The following CD44 variants were observed in gnomAD, a reference collection of about 807,000 sequenced individuals.
The protein encoded by CD44 is CD44 molecule (IN blood group).
In CD44, 49 loss-of-function variants were observed where a neutral mutation model predicts 88.8. The ratio of observed to expected loss-of-function variants is 0.55; its 90% confidence interval spans 0.44 to 0.70. The LOEUF is 0.70. Among genes scored for constraint, CD44 ranks in the 30% least tolerant of loss-of-function variants. CD44 has a pLI of 0.00. For missense variants in CD44, 883 were observed against 913.8 expected (o/e 0.97, Z 0.43); for synonymous variants, 325 against 312.3 (o/e 1.04, Z -0.43).
In CD44 at chr11:35,182,036, C is replaced by T. The variant is rs1320028265; in HGVS notation, c.367+1629C>T. ...ATATATGTATATATAAATATATACA[C>T]ATTTATATATATAAAATCAAGATAT... On this transcript the variant is annotated intron_variant, in intron 3 of 17. Coordinates refer to ENST00000428726, the MANE Select transcript of CD44 (RefSeq NM_000610.4). Among the ~76,000 whole-genome samples, 357 of 116,192 alleles carry T rather than the reference C, an allele frequency of 3.1e-3. 9 individuals carry two copies. The highest frequency in any genetic ancestry group is 0.012 in the Admixed American group (109 of 8,722). 76.2% of individuals were successfully genotyped at this position (116,192 alleles called of 152,430 possible).
chr11:35,158,146 A>C (rs1942147036), intron 1 of CD44, among the ~76,000 whole-genome samples: 1 of 152,176 alleles, frequency 6.6e-6, no homozygotes, highest in Non-Finnish European at 1.5e-5. Context: ...TCTTCTCCAA[A>C]AGTAGCTTCC....
chr11:35,220,244 G>A (rs1284415601), intron 16 of CD44, among the ~76,000 whole-genome samples: 1 of 152,142 alleles, frequency 6.6e-6, no homozygotes, highest in East Asian at 1.9e-4. Flanking sequence ...GGAAGCCTTA[G>A]CTGTCATCAG....
rs553192569 is a variant in CD44, at chr11:35,212,564, G to C, written c.1810+1115G>C. 6 of 152,092 alleles carry C rather than the reference G, an allele frequency of 3.9e-5. No individual in the cohort carries two copies. The East Asian group carries it at 1.2e-3, about 29-fold the overall frequency. The allele number at this position is 152,092 out of a possible 1,614,324, so 9.4% of individuals were successfully genotyped here. A position where few individuals can be genotyped will look rare whatever the true frequency, so the allele number is the denominator to read the frequency against. On this transcript the variant is annotated intron_variant, in intron 14 of 17. Coordinates refer to ENST00000428726, the MANE Select transcript of CD44 (RefSeq NM_000610.4). ...AAACAGATGACGGTTGTGATGCAGG[G>C]ACAGAAAATTCAGAATGCCACATGC...
intron 5 of CD44, among the ~76,000 whole-genome samples, chr11:35,190,712 A>T (rs1946183658): frequency 6.6e-6 from 1 of 152,238 alleles, no homozygotes; most frequent in South Asian, 2.1e-4. Flanking sequence ...TTCACCAACG[A>T]TAATTTACTC....
chr11:35,222,788 T>C (rs1397592395), intron 17 of CD44: 2 of 984,820 alleles, frequency 2.0e-6, no homozygotes, highest in Non-Finnish European at 2.4e-6. Flanking sequence ...AAGCCTTTTG[T>C]AAATGTCCCT....
chr11:35,189,911 C>A lies in CD44; in HGVS notation c.513C>A (p.Ser171Arg), dbSNP rs1479806626. The change falls in exon 5 of 18, where the codon AGC (serine) becomes AGA (arginine). Residue 171 changes from serine to arginine, a missense_variant. This residue lies in a region of CD44 where 252 missense variants were observed against 322.9 expected (regional missense o/e 0.78). Coordinates refer to ENST00000428726, the MANE Select transcript of CD44 (RefSeq NM_000610.4). ...YRTNPEDIYP[S>R]NPTDDDVSSG... ...CGAATCCTGAAGACATCTACCCCAGCAACCCTACTGATGATGACGTGAGCA... is the reference window on the plus strand; with the variant it reads ...CGAATCCTGAAGACATCTACCCCAGAAACCCTACTGATGATGACGTGAGCA... 2.5e-6 allele frequency: 4 copies of A among 1,614,168 alleles called. No individual in the cohort carries two copies. The South Asian group carries it at 3.3e-5, about 13-fold the overall frequency.
At chr11:35,181,866 T>TA (rs1945069193) in intron 3 of CD44, among the ~76,000 whole-genome samples, 1 of 62,206 alleles carries the variant, frequency 1.6e-5, no homozygotes, top group African/African-American at 7.4e-5. Flanking sequence ...TAAATTTATA[T>TA]ATATATATTA....
At position 35,229,910 on chromosome 11, in the gene CD44, G is replaced by C. The variant is rs1190144866; in HGVS notation, c.*577G>C. On this transcript the variant is annotated 3_prime_UTR_variant, in exon 18 of 18. Coordinates refer to ENST00000428726, the MANE Select transcript of CD44 (RefSeq NM_000610.4). ...TAGTAAACTATTTATCTGTGTTTTT[G>C]AAATATTAAACCCTGGATCAGTCCT... 6.5e-6 allele frequency: 1 copy of C among 153,186 alleles called. No homozygotes were observed. Among genetic ancestry groups the C allele is most frequent in the African/African-American group, 2.4e-5 (1 of 41,466 alleles). The allele number at this position is 153,186 out of a possible 1,614,324, so 9.5% of individuals were successfully genotyped here.
chr11:35,232,121 G>C lies in CD44; in HGVS notation c.*2788G>C, dbSNP rs1950087032. On this transcript the variant is annotated 3_prime_UTR_variant, in exon 18 of 18. Coordinates refer to ENST00000428726, the MANE Select transcript of CD44 (RefSeq NM_000610.4). ...ATCTGGAAAAGCAAAATGTACTTAA[G>C]AATAAGAATAACATGGTCCATTCAC... 6.6e-6 allele frequency: 1 copy of C among 152,466 alleles called. No individual in the cohort carries two copies. Among genetic ancestry groups the C allele is most frequent in the South Asian group, 2.1e-4 (1 of 4,822 alleles). The allele number at this position is 152,466 out of a possible 1,614,324, so 9.4% of individuals were successfully genotyped here.
At chr11:35,197,019 G>T in intron 6 of CD44, 145 bp downstream of exon 6, 1 of 725,604 alleles carries the variant, frequency 1.4e-6, no homozygotes, top group Admixed American at 2.7e-5. Context: ...ATTAACTCTG[G>T]TATCTGTTTG....
intron 1 of CD44, among the ~76,000 whole-genome samples, chr11:35,143,086 T>G (rs1341192776): frequency 6.6e-6 from 1 of 152,112 alleles, no homozygotes. Flanking sequence ...AATACTACCT[T>G]ACAGACTCAT....
At chr11:35,162,198 G>A (rs1320910631) in intron 1 of CD44, among the ~76,000 whole-genome samples, 1 of 152,138 alleles carries the variant, frequency 6.6e-6, no homozygotes, top group Non-Finnish European at 1.5e-5. Context: ...ATGCTTTATG[G>A]AAACTAATGG....
chr11:35,173,847 A>G (rs2133586386), intron 1 of CD44, among the ~76,000 whole-genome samples: 1 of 152,216 alleles, frequency 6.6e-6, no homozygotes, highest in East Asian at 1.9e-4. Flanking sequence ...TCCTTTCTTC[A>G]GTTGCACTAA....
intron 1 of CD44, among the ~76,000 whole-genome samples, chr11:35,143,619 G>T (rs1055486164): frequency 6.6e-6 from 1 of 152,040 alleles, no homozygotes; most frequent in Non-Finnish European, 1.5e-5. Context: ...GAAGCTATAC[G>T]TGGCTCTCCC....
At chr11:35,139,705 CAGGCTCCTGTGCCCA>C (rs1226233729) in intron 1 of CD44, 2 of 556,256 alleles carry the variant, frequency 3.6e-6, no homozygotes, top group Admixed American at 4.4e-5. Flanking sequence ...TCTGGACTAA[CAGGCTCCTGTGCCCA>C]AGGGCTCGCC....
At position 35,229,405 on chromosome 11, in the gene CD44, C is replaced by T; in HGVS notation, c.*72C>T. 5 of 898,032 alleles carry T rather than the reference C, an allele frequency of 5.6e-6. No homozygotes were observed. Among genetic ancestry groups the T allele is most frequent in the Non-Finnish European group, 9.0e-6 (5 of 557,610 alleles). 55.6% of individuals were successfully genotyped at this position (898,032 alleles called of 1,614,324 possible). A position where few individuals can be genotyped will look rare whatever the true frequency, so the allele number is the denominator to read the frequency against. ...CATTACAGGGAGCTGGGACACTTAA[C>T]AGATGCAATGTGCTACTGATTGTTT... On this transcript the variant is annotated 3_prime_UTR_variant, in exon 18 of 18. Coordinates refer to ENST00000428726, the MANE Select transcript of CD44 (RefSeq NM_000610.4).
intron 1 of CD44, among the ~76,000 whole-genome samples, chr11:35,163,860 G>A (rs890187680): frequency 1.3e-5 from 2 of 152,100 alleles, no homozygotes; most frequent in African/African-American, 4.8e-5. Context: ...ATTTGCATGT[G>A]GCCCCTGAGA....
At chr11:35,205,451 A>G (rs1186064311) in intron 10 of CD44, among the ~76,000 whole-genome samples, 1 of 152,136 alleles carries the variant, frequency 6.6e-6, no homozygotes, top group African/African-American at 2.4e-5. Context: ...AGAGCAATGG[A>G]TTCTGTGATT....
intron 16 of CD44, 123 bp downstream of exon 16, chr11:35,219,510 T>G (rs1949118074): frequency 4.3e-6 from 3 of 703,006 alleles, no homozygotes. Context: ...TGAATCCAAT[T>G]GCTCCTCTTT....
Sources: allele counts gnomAD v4.1 joint callset (sites outside exome capture counted in the v4.1 genomes callset), GRCh38; gene constraint gnomAD v4.1.1; regional missense constraint gnomAD v4.1.1; transcripts MANE v1.5; gene names NCBI Gene and HGNC (gene_info 2026-07-23, HGNC 2026-07-21).